SLC27A1: variants seen among roughly 807,000 people sequenced by gnomAD.
SLC27A1 encodes long-chain fatty acid transport protein 1.
A neutral mutation model predicts 62.2 loss-of-function variants in SLC27A1; 61 were observed. The observed-to-expected ratio is 0.98, with a 90% CI of 0.80 to 1.21. The LOEUF (loss-of-function observed/expected upper bound fraction) is 1.21. Ranked by LOEUF, SLC27A1 falls within the 50% of genes most tolerant of loss-of-function variation. The pLI is 0.00. For missense variants in SLC27A1, 903 were observed against 932.1 expected, an observed-to-expected ratio of 0.97 and a Z score of 0.41; for synonymous variants, 435 against 408.6, an observed-to-expected ratio of 1.06 and a Z score of -0.78.
intron 1 of SLC27A1, among the ~76,000 whole-genome samples, chr19:17,479,190 G>T (rs535290338): frequency 1.1e-4 from 16 of 152,260 alleles, no homozygotes; most frequent in African/African-American, 3.8e-4. Context: ...CGGATCACCT[G>T]AGGCCAGAAG....
intron 1 of SLC27A1, among the ~76,000 whole-genome samples, chr19:17,472,792 G>C (rs965419365): frequency 2.0e-5 from 3 of 152,090 alleles, no homozygotes; most frequent in African/African-American, 4.8e-5. Context: ...CTCCTAAAGT[G>C]CTGGGATTAC....
At chr19:17,476,005 C>T (rs960362457) in intron 1 of SLC27A1, among the ~76,000 whole-genome samples, 1 of 152,130 alleles carries the variant, frequency 6.6e-6, no homozygotes, top group African/African-American at 2.4e-5. Context: ...TCCTCGTGTT[C>T]CCACATCTAG....
At chr19:17,482,650 C>CAAA (rs57804553) in intron 1 of SLC27A1, among the ~76,000 whole-genome samples, 2 of 60,680 alleles carry the variant, frequency 3.3e-5, no homozygotes, top group Admixed American at 2.3e-4. Flanking sequence ...GACTCTGTCT[C>CAAA]AAAAAAAAAA....
intron 1 of SLC27A1, among the ~76,000 whole-genome samples, chr19:17,477,798 A>G (rs754807483): frequency 4.0e-5 from 6 of 151,804 alleles, no homozygotes; most frequent in Non-Finnish European, 8.8e-5. Context: ...CAGGTGATCC[A>G]CCCACCTCAG....
chr19:17,481,972 G>T (rs993063294), intron 1 of SLC27A1, among the ~76,000 whole-genome samples: 1 of 152,194 alleles, frequency 6.6e-6, no homozygotes, highest in East Asian at 1.9e-4. Flanking sequence ...TCGGGCTGGG[G>T]CCACGGGTGG....
In SLC27A1 at chr19:17,488,935, G is replaced by A. The variant is rs765097324; in HGVS notation, c.882G>A (p.Ser294=). Residue 294 remains serine, a synonymous_variant, in exon 5 of 12, where the codon TCG becomes TCA. Coordinates refer to ENST00000252595, the MANE Select transcript of SLC27A1 (RefSeq NM_198580.3). ...ATGACTGCCTGCCCCTGTACCACTC[G>A]GCAGGTACTACGGCCTGGGTAGGGA... The part of the protein sequence containing the change: ...VLYDCLPLYH[S]AGNIIGVGQC... 14 of 1,613,994 alleles carry A rather than the reference G, an allele frequency of 8.7e-6. No individual in the cohort carries two copies. In the East Asian group the frequency reaches 2.0e-4, roughly 23 times the overall value.
intron 6 of SLC27A1, among the ~76,000 whole-genome samples, chr19:17,494,353 A>C (rs1568420410): frequency 7.1e-6 from 1 of 140,644 alleles, no homozygotes; most frequent in Non-Finnish European, 1.5e-5. Flanking sequence ...TTTGAGACGG[A>C]GTCTCACTCT....
At chr19:17,497,722 G>A (rs942319260) in intron 7 of SLC27A1, 1 of 503,636 alleles carries the variant, frequency 2.0e-6, no homozygotes, top group Non-Finnish European at 3.5e-6. Flanking sequence ...ATGGCTGTGC[G>A]CCCTGGCAAG....
chr19:17,486,472 C>T lies in SLC27A1; in HGVS notation c.168-91C>T, dbSNP rs940796386. On this transcript the variant is annotated intron_variant, in intron 1 of 11. Coordinates refer to ENST00000252595, the MANE Select transcript of SLC27A1 (RefSeq NM_198580.3). This position sits in a 1 kb window ranked among gnomAD's most constrained non-coding sequence, Gnocchi z 6.6. Reference sequence around the variant, plus strand: ...TAGACCTCATCAAAGCCCCTGGCTGCCCTGGGGTCCTCCAGCGGGGAGGCT... The same window carrying T: ...TAGACCTCATCAAAGCCCCTGGCTGTCCTGGGGTCCTCCAGCGGGGAGGCT... The T allele has an allele frequency of 2.8e-6, 4 of 1,427,282 alleles. No individual in the cohort carries two copies. The East Asian group carries it at 1.0e-4, about 36-fold the overall frequency. The allele number at this position is 1,427,282 out of a possible 1,614,324, so 88.4% of individuals were successfully genotyped here. A position where few individuals can be genotyped will look rare whatever the true frequency, so the allele number is the denominator to read the frequency against.
intron 6 of SLC27A1, chr19:17,496,028 TGGAG>T (rs1031246029): frequency 1.3e-5 from 2 of 153,166 alleles, no homozygotes; most frequent in African/African-American, 4.8e-5. Flanking sequence ...TCAGCGGAGA[TGGAG>T]GGAGAGGAGG....
chr19:17,482,046 T>G (rs2075183549), intron 1 of SLC27A1, among the ~76,000 whole-genome samples: 1 of 152,144 alleles, frequency 6.6e-6, no homozygotes, highest in Non-Finnish European at 1.5e-5. Flanking sequence ...CCTCTCTTCC[T>G]TCGAGATTAT....
intron 10 of SLC27A1, 76 bp from the exon 11 acceptor site, chr19:17,501,197 T>C: frequency 6.4e-7 from 1 of 1,564,196 alleles, no homozygotes; most frequent in African/African-American, 1.3e-5. Context: ...CAGGGGCTAC[T>C]GCTTGACAGT....
At chr19:17,503,343 G>A (rs951623988) in intron 11 of SLC27A1, 1 of 152,144 alleles carries the variant, frequency 6.6e-6, no homozygotes, top group Non-Finnish European at 1.5e-5. Context: ...TAATATTTTC[G>A]GCTTTGCAGG....
upstream of SLC27A1, among the ~76,000 whole-genome samples, chr19:17,470,125 A>T (rs2075058744): frequency 1.3e-5 from 2 of 152,024 alleles, no homozygotes; most frequent in South Asian, 4.1e-4. Context: ...AGATGAAGGC[A>T]TGTGGCGAGG....
intron 11 of SLC27A1, among the ~76,000 whole-genome samples, chr19:17,502,678 TG>T (rs1419491972): frequency 4.0e-5 from 6 of 151,774 alleles, no homozygotes; most frequent in Non-Finnish European, 5.9e-5. Flanking sequence ...CTTTTTCTTT[TG>T]TTTTTTTTGT....
At chr19:17,484,025 C>T (rs1441549843) in intron 1 of SLC27A1, 1 of 152,422 alleles carries the variant, frequency 6.6e-6, no homozygotes, top group Non-Finnish European at 1.5e-5. Context: ...AGGGGTCTCT[C>T]TTCCCAGAGG....
chr19:17,497,477 A>T lies in SLC27A1; in HGVS notation c.1206+13A>T. On this transcript the variant is annotated intron_variant, in intron 7 of 11. Coordinates refer to ENST00000252595, the MANE Select transcript of SLC27A1 (RefSeq NM_198580.3). ...CATGGACGGCAAGGTGCACACCGGCAGGGCCCCGGGGCAGGTCTCGGAGTT... is the reference window on the plus strand; with the variant it reads ...CATGGACGGCAAGGTGCACACCGGCTGGGCCCCGGGGCAGGTCTCGGAGTT... 6.3e-7 allele frequency: 1 copy of T among 1,598,470 alleles called. No individual in the cohort carries two copies. Among genetic ancestry groups the T allele is most frequent in the Non-Finnish European group, 8.5e-7 (1 of 1,174,304 alleles).
intron 11 of SLC27A1, among the ~76,000 whole-genome samples, chr19:17,503,932 A>C (rs2075445300): frequency 2.6e-5 from 1 of 37,826 alleles, no homozygotes; most frequent in Non-Finnish European, 6.4e-5. Context: ...ACTATGTCTC[A>C]AAAAAAAAAA....
intron 1 of SLC27A1, among the ~76,000 whole-genome samples, chr19:17,478,615 T>C (rs1421388164): frequency 6.6e-6 from 1 of 151,696 alleles, no homozygotes; most frequent in Admixed American, 6.6e-5. Context: ...CCCAGCACTT[T>C]GGGAGTCTGA....
Sources: gnomAD v4.1 joint callset for allele counts (sites outside exome capture counted in the v4.1 genomes callset) on GRCh38, gnomAD v4.1.1 for gene constraint, Gnocchi (gnomAD v3.1) non-coding constraint, MANE v1.5 for transcripts, NCBI Gene and HGNC (gene_info 2026-07-23, HGNC 2026-07-21) for gene names.